Variants in RBFOX2 observed in about 807,000 individuals in gnomAD.
The protein encoded by RBFOX2 is RNA binding fox-1 homolog 2, also known as RNA binding protein fox-1 homolog 2.
In RBFOX2, 10 loss-of-function variants were observed where a neutral mutation model predicts 49.1. The ratio of observed to expected loss-of-function variants is 0.20; its 90% CI spans 0.13 to 0.35. The LOEUF is 0.35. Ranked by LOEUF, RBFOX2 falls within the 10% of genes least tolerant of loss-of-function variation. RBFOX2 has a pLI of 1.00. For missense variants in RBFOX2, 323 were observed against 486.9 expected (o/e 0.66, Z 3.17); for synonymous variants, 183 against 187.4 (o/e 0.98, Z 0.19).
rs201625900 is a variant in RBFOX2, at chr22:35,840,171, C to A, written c.27+21G>T. On this transcript the variant is annotated intron_variant, in intron 1 of 11. Transcript: ENST00000405409. ...TCCCAGAGAGGAGAAAAGAAACATG[C>A]CGAGGAAGCACAAATCTTACCTGAG... is the stretch of plus-strand genomic sequence containing the variant. 616 of 1,612,748 alleles carry A rather than the reference C, an allele frequency of 3.8e-4. 1 individual carries two copies. The highest frequency in any genetic ancestry group is 5.1e-4 in the Non-Finnish European group (596 of 1,178,890).
At chr22:35,805,722 C>T (rs1021948297) in intron 2 of RBFOX2, among the ~76,000 whole-genome samples, 1 of 152,140 alleles carries the variant, frequency 6.6e-6, no homozygotes, top group African/African-American at 2.4e-5. Flanking sequence ...TGGAAGCAAC[C>T]AAGATGCCCT....
chr22:35,846,531 G>A (rs570267707), intron 1 of RBFOX2, among the ~76,000 whole-genome samples: 5 of 151,904 alleles, frequency 3.3e-5, no homozygotes, highest in Admixed American at 1.3e-4. Flanking sequence ...TGGATCACCC[G>A]AGGATGGGAG....
chr22:35,910,181 C>G (rs2049629634), intron 1 of RBFOX2, among the ~76,000 whole-genome samples: 1 of 152,142 alleles, frequency 6.6e-6, no homozygotes, highest in African/African-American at 2.4e-5. Flanking sequence ...CTTTTTAACA[C>G]TACTTCTGGT....
chr22:35,740,830 G>A (rs1400321989), exon 12 of RBFOX2: 1 of 152,164 alleles, frequency 6.6e-6, no homozygotes, highest in East Asian at 1.9e-4. Flanking sequence ...CTAGTTACAG[G>A]ATGGTAGTGA....
intron 1 of RBFOX2, among the ~76,000 whole-genome samples, chr22:35,946,310 T>G (rs1044169795): frequency 1.3e-5 from 2 of 152,338 alleles, no homozygotes; most frequent in Admixed American, 1.3e-4. Flanking sequence ...ATTACAGATA[T>G]ATGTAACTCC....
At chr22:35,932,750 G>T (rs374371007) in intron 1 of RBFOX2, among the ~76,000 whole-genome samples, 1 of 152,160 alleles carries the variant, frequency 6.6e-6, no homozygotes, top group East Asian at 1.9e-4. Flanking sequence ...GCTTAGTGTC[G>T]CATGTCTGTA....
chr22:35,808,942 A>C (rs982633708), intron 2 of RBFOX2, among the ~76,000 whole-genome samples: 1 of 152,146 alleles, frequency 6.6e-6, no homozygotes, highest in Non-Finnish European at 1.5e-5. Context: ...TAAGAGGTGA[A>C]GTCAAAGAGG....
chr22:36,008,693 C>G (rs984214947), intron 1 of RBFOX2, among the ~76,000 whole-genome samples: 1 of 152,100 alleles, frequency 6.6e-6, no homozygotes, highest in Non-Finnish European at 1.5e-5. Flanking sequence ...TGGCACACAA[C>G]TGCAATCCCA....
intron 1 of RBFOX2, chr22:35,999,541 G>A (rs2058325670): frequency 6.6e-6 from 1 of 152,054 alleles, no homozygotes. Flanking sequence ...TGGCAACAGA[G>A]CAAGACTCTG....
rs369941612 is a variant in RBFOX2 at position 35,997,749 on chromosome 22, G to C, written c.186+30491C>G. On this transcript the variant is annotated intron_variant, in intron 1 of 13. Coordinates refer to the RBFOX2 transcript ENST00000438146. ...CTCACACCTATAATCCTAGCACTTTGGGAGGTTGAGGCAGGAAGATCGCTA... is the reference window on the plus strand; with the variant it reads ...CTCACACCTATAATCCTAGCACTTTCGGAGGTTGAGGCAGGAAGATCGCTA... 2.6e-5 allele frequency: 4 copies of C among 152,384 alleles called. No homozygotes were observed. In the East Asian group the frequency reaches 5.8e-4, roughly 22 times the overall value. 9.4% of individuals were successfully genotyped at this position (152,384 alleles called of 1,614,324 possible).
At position 35,749,017 on chromosome 22, in the gene RBFOX2, T is replaced by C. The variant is rs1040869748; in HGVS notation, c.888-2456A>G. Among the ~76,000 whole-genome samples the C allele has an allele frequency of 1.3e-5, 2 of 152,210 alleles. No homozygotes were observed. Among genetic ancestry groups the C allele is most frequent in the African/African-American group, 4.8e-5 (2 of 41,450 alleles). ...CAATTTCCCCTCATTTTCCTAGGCC[T>C]ACAGGAAGCCATAGGAACCTTGGTG... On this transcript the variant is annotated intron_variant, in intron 9 of 11. Transcript: ENST00000405409. The surrounding 1 kb of genome is among the most constrained non-coding windows in gnomAD (Gnocchi z 4.1).
intron 1 of RBFOX2, among the ~76,000 whole-genome samples, chr22:35,853,543 A>C (rs796080224): frequency 2.0e-5 from 3 of 152,326 alleles, no homozygotes; most frequent in African/African-American, 7.2e-5. Flanking sequence ...ATGTATGTAT[A>C]TGTATACACA....
chr22:35,838,927 C>T (rs1452903486), intron 1 of RBFOX2, among the ~76,000 whole-genome samples: 2 of 152,228 alleles, frequency 1.3e-5, no homozygotes, highest in African/African-American at 4.8e-5. Flanking sequence ...CCAAACAGCA[C>T]TGCAGGGCAT....
chr22:35,752,982 A>G (rs1309167248), intron 9 of RBFOX2, among the ~76,000 whole-genome samples: 1 of 152,212 alleles, frequency 6.6e-6, no homozygotes, highest in Non-Finnish European at 1.5e-5. Flanking sequence ...TGTGCCATAA[A>G]AGAAACAGAA....
At chr22:36,004,068 G>A (rs1444031905) in intron 1 of RBFOX2, among the ~76,000 whole-genome samples, 5 of 152,110 alleles carry the variant, frequency 3.3e-5, no homozygotes, top group Non-Finnish European at 7.4e-5. Context: ...GTCTCCAGAC[G>A]TTGCCAATGT....
intron 1 of RBFOX2, among the ~76,000 whole-genome samples, chr22:35,956,522 C>A: frequency 6.6e-6 from 1 of 151,922 alleles, no homozygotes; most frequent in Non-Finnish European, 1.5e-5. Context: ...CCAGCACACC[C>A]GGCTAATTTT....
At position 35,829,740 on chromosome 22, in the gene RBFOX2, A is replaced by G. The variant is rs116481450; in HGVS notation, c.27+10452T>C. 2.6e-3 allele frequency among the ~76,000 whole-genome samples: 395 copies of G among 152,306 alleles called. 4 individuals are homozygous for G. The highest frequency in any genetic ancestry group is 9.3e-3 in the African/African-American group (386 of 41,558). On this transcript the variant is annotated intron_variant, in intron 1 of 11. Transcript: ENST00000405409. The stretch of plus-strand genomic sequence containing the variant: ...AGGCAAAGCAGAGAGGAAGATGACT[A>G]TGCTCAATATACCACATTTGGTATA...
At chr22:35,855,534 T>G (rs973793285) in intron 1 of RBFOX2, among the ~76,000 whole-genome samples, 2 of 152,074 alleles carry the variant, frequency 1.3e-5, no homozygotes, top group African/African-American at 4.8e-5. Context: ...ACCTCCCAAG[T>G]AGATGGAACT....
chr22:35,950,648 T>C (rs1374413185), intron 1 of RBFOX2, among the ~76,000 whole-genome samples: 1 of 152,150 alleles, frequency 6.6e-6, no homozygotes, highest in East Asian at 1.9e-4. Flanking sequence ...TATAAGTCCA[T>C]AGGGACTTAC....
Sources: gnomAD v4.1 joint callset for allele counts (sites outside exome capture counted in the v4.1 genomes callset) on GRCh38, gnomAD v4.1.1 for gene constraint, Gnocchi (gnomAD v3.1) non-coding constraint, MANE v1.5 for transcripts, NCBI Gene and HGNC (gene_info 2026-07-23, HGNC 2026-07-21) for gene names.